ST8SIA1: variants seen among roughly 807,000 people sequenced by gnomAD.
The protein encoded by ST8SIA1 is alpha-N-acetylneuraminide alpha-2,8-sialyltransferase.
In ST8SIA1, 16 loss-of-function variants were observed where a neutral mutation model predicts 35.9. The observed-to-expected ratio is 0.45, with a 90% confidence interval of 0.30 to 0.68. The LOEUF (loss-of-function observed/expected upper bound fraction) is 0.68, where lower values mean the gene tolerates loss of function less well. ST8SIA1 is among the 30% of genes least tolerant of loss of function. The probability of loss-of-function intolerance (pLI) is 0.09; values close to 1 mark genes in which losing one functional copy is unlikely to be tolerated. For synonymous variants in ST8SIA1, 170 were observed against 169.6 expected, an observed-to-expected ratio of 1.00 and a Z score of -0.02; for missense variants, 383 against 453.6, an observed-to-expected ratio of 0.84 and a Z score of 1.41.
At chr12:22,290,164 G>A (rs1866156744) in intron 1 of ST8SIA1, among the ~76,000 whole-genome samples, 1 of 152,148 alleles carries the variant, frequency 6.6e-6, no homozygotes, top group African/African-American at 2.4e-5. Context: ...TTTGCAATAT[G>A]AGTGGTTTTT....
chr12:22,266,848 T>TATATATACACAC (rs1555158440), intron 2 of ST8SIA1, among the ~76,000 whole-genome samples: 55 of 145,050 alleles, frequency 3.8e-4, no homozygotes, highest in African/African-American at 1.3e-3. Flanking sequence ...CACAAAAGTA[T>TATATATACACAC]ACACACACAC....
intron 2 of ST8SIA1, among the ~76,000 whole-genome samples, chr12:22,276,931 C>G (rs1218086861): frequency 2.6e-5 from 4 of 152,046 alleles, no homozygotes; most frequent in Non-Finnish European, 4.4e-5. Context: ...AGTCACCCAT[C>G]ATAGCTACAC....
intron 4 of ST8SIA1, among the ~76,000 whole-genome samples, chr12:22,220,655 T>C (rs1213785132): frequency 6.6e-6 from 1 of 152,232 alleles, no homozygotes; most frequent in Non-Finnish European, 1.5e-5. Flanking sequence ...TAAGTGTCTT[T>C]CAAAGTAAAA....
chr12:22,225,255 A>G (rs978743196), intron 4 of ST8SIA1, among the ~76,000 whole-genome samples: 1 of 152,102 alleles, frequency 6.6e-6, no homozygotes, highest in Non-Finnish European at 1.5e-5. Flanking sequence ...GAAACTAATA[A>G]AATGATTATA....
intron 1 of ST8SIA1, among the ~76,000 whole-genome samples, chr12:22,305,119 C>T (rs1866368524): frequency 2.0e-5 from 3 of 152,166 alleles, no homozygotes; most frequent in Non-Finnish European, 2.9e-5. Flanking sequence ...AAATGTACTT[C>T]TATCGGTATG....
At chr12:22,311,321 G>A (rs1163134768) in intron 1 of ST8SIA1, among the ~76,000 whole-genome samples, 1 of 152,082 alleles carries the variant, frequency 6.6e-6, no homozygotes, top group Admixed American at 6.6e-5. Flanking sequence ...AGAGATAATT[G>A]GAAGGGTGGG....
At chr12:22,241,048 TTAACCC>T (rs368989961) in intron 4 of ST8SIA1, among the ~76,000 whole-genome samples, 208 of 149,386 alleles carry the variant, frequency 1.4e-3, no homozygotes, top group Middle Eastern at 6.9e-3. Context: ...ATGGCTAACC[TTAACCC>T]TAACCCTAAC....
intron 4 of ST8SIA1, among the ~76,000 whole-genome samples, chr12:22,243,344 C>T (rs967871538): frequency 1.3e-5 from 2 of 152,096 alleles, no homozygotes; most frequent in Non-Finnish European, 2.9e-5. Flanking sequence ...ATTTGCACAG[C>T]TTTGAGAGAA....
chr12:22,282,945 G>A (rs971631962), intron 2 of ST8SIA1, among the ~76,000 whole-genome samples: 4 of 152,112 alleles, frequency 2.6e-5, no homozygotes, highest in African/African-American at 4.8e-5. Context: ...TGAAACTCAG[G>A]GATATCCGGG....
intron 1 of ST8SIA1, among the ~76,000 whole-genome samples, chr12:22,305,379 CTTT>C (rs71053397): frequency 6.8e-5 from 9 of 132,964 alleles, no homozygotes; most frequent in East Asian, 4.3e-4. Context: ...TTCCAGCATA[CTTT>C]TTTTTTTTTT....
intron 2 of ST8SIA1, among the ~76,000 whole-genome samples, chr12:22,276,440 C>CA (rs1865969787): frequency 6.6e-6 from 1 of 152,126 alleles, no homozygotes; most frequent in Non-Finnish European, 1.5e-5. Context: ...GAGCACCCCC[C>CA]AAACACGCAA....
intron 1 of ST8SIA1, among the ~76,000 whole-genome samples, chr12:22,295,181 A>T (rs1866228306): frequency 6.6e-6 from 1 of 152,180 alleles, no homozygotes; most frequent in East Asian, 1.9e-4. Context: ...AATTTTTAAC[A>T]GGGTGGCTAA....
chr12:22,244,358 A>G (rs1865574448), intron 4 of ST8SIA1, among the ~76,000 whole-genome samples: 1 of 152,224 alleles, frequency 6.6e-6, no homozygotes, highest in Admixed American at 6.5e-5. Flanking sequence ...CCACACCTGA[A>G]CCAATACTCT....
intron 4 of ST8SIA1, among the ~76,000 whole-genome samples, chr12:22,247,347 G>T (rs530810956): frequency 7.2e-5 from 11 of 152,096 alleles, no homozygotes; most frequent in Non-Finnish European, 1.3e-4. Flanking sequence ...AATAGTCAAA[G>T]ATGTCACCTT....
At chr12:22,253,166 G>T (rs765722761) in intron 3 of ST8SIA1, among the ~76,000 whole-genome samples, 1 of 152,096 alleles carries the variant, frequency 6.6e-6, no homozygotes, top group African/African-American at 2.4e-5. Flanking sequence ...TAGAAAGCTG[G>T]GCCCCAGCAA....
At chr12:22,269,249 G>GT (rs536041145) in intron 2 of ST8SIA1, among the ~76,000 whole-genome samples, 75 of 147,850 alleles carry the variant, frequency 5.1e-4, no homozygotes, top group East Asian at 9.8e-4. Flanking sequence ...ATACAGGGTT[G>GT]TTTTTTTTTT....
intron 2 of ST8SIA1, among the ~76,000 whole-genome samples, chr12:22,259,907 C>T (rs1418953713): frequency 6.6e-6 from 1 of 152,118 alleles, no homozygotes; most frequent in African/African-American, 2.4e-5. Flanking sequence ...TATGAGTATA[C>T]TTATATAGAA....
chr12:22,251,748 C>G (rs538612252), intron 3 of ST8SIA1, among the ~76,000 whole-genome samples: 3 of 152,278 alleles, frequency 2.0e-5, no homozygotes, highest in African/African-American at 7.2e-5. Context: ...GTCTTAGCAA[C>G]TGTGCTCATG....
rs1270214470 is a variant in ST8SIA1 at position 22,199,342 on chromosome 12, T to G, written c.*2210A>C. 1 of 147,560 alleles carries G rather than the reference T, an allele frequency of 6.8e-6. No homozygotes were observed. Among genetic ancestry groups the G allele is most frequent in the African/African-American group, 2.5e-5 (1 of 39,704 alleles). 9.1% of individuals were successfully genotyped at this position (147,560 alleles called of 1,614,324 possible). Reference sequence around the variant, plus strand: ...ATTAATTACATTTTAACAATTAAAGTACTAATCTGAGTAACATTTTATTAA... The same window carrying G: ...ATTAATTACATTTTAACAATTAAAGGACTAATCTGAGTAACATTTTATTAA... On this transcript the variant is annotated 3_prime_UTR_variant, in exon 5 of 5. Transcript: ENST00000396037.
Sources: gnomAD v4.1 joint callset for allele counts (sites outside exome capture counted in the v4.1 genomes callset) on GRCh38, gnomAD v4.1.1 for gene constraint, MANE v1.5 for transcripts, NCBI Gene and HGNC (gene_info 2026-07-23, HGNC 2026-07-21) for gene names.